EFNA5: variants seen among roughly 807,000 people sequenced by gnomAD.
The protein encoded by EFNA5 is ephrin-A5.
Under a neutral mutation model 22.9 loss-of-function variants are expected in EFNA5, and 5 were observed. The observed-to-expected ratio is 0.22, with a 90% confidence interval of 0.11 to 0.46. The LOEUF (loss-of-function observed/expected upper bound fraction) is 0.46, where lower values mean the gene tolerates loss of function less well. EFNA5 is among the 20% of genes least tolerant of loss of function. EFNA5 has a pLI of 0.99. For synonymous variants in EFNA5, 113 were observed against 112.2 expected (o/e 1.01, Z -0.04); for missense variants, 237 against 293.3 (o/e 0.81, Z 1.40).
intron 1 of EFNA5, among the ~76,000 whole-genome samples, chr5:107,446,803 A>T (rs1749412246): frequency 6.6e-6 from 1 of 152,144 alleles, no homozygotes; most frequent in South Asian, 2.1e-4. Flanking sequence ...GGAAGAAGAC[A>T]CTGACTTTCT....
intron 1 of EFNA5, among the ~76,000 whole-genome samples, chr5:107,666,870 G>C (rs182201447): frequency 3.3e-4 from 50 of 152,232 alleles, no homozygotes; most frequent in African/African-American, 1.2e-3. Context: ...TTCAGATGAA[G>C]AGGCATGTTC....
intron 1 of EFNA5, among the ~76,000 whole-genome samples, chr5:107,587,959 A>G (rs1349326840): frequency 6.6e-6 from 1 of 152,212 alleles, no homozygotes; most frequent in Non-Finnish European, 1.5e-5. Context: ...TACAGGCTCT[A>G]TGGTGCCAGG....
intron 1 of EFNA5, among the ~76,000 whole-genome samples, chr5:107,654,058 A>C (rs551763263): frequency 6.6e-6 from 1 of 152,268 alleles, no homozygotes; most frequent in African/African-American, 2.4e-5. Flanking sequence ...AACACTAGTA[A>C]GTATGCCTGT....
intron 1 of EFNA5, among the ~76,000 whole-genome samples, chr5:107,608,711 T>C (rs1018470625): frequency 2.0e-5 from 3 of 152,202 alleles, no homozygotes; most frequent in African/African-American, 7.2e-5. Context: ...ACTTCATGGC[T>C]GGGCTCACCT....
intron 1 of EFNA5, among the ~76,000 whole-genome samples, chr5:107,572,714 G>A (rs1005121212): frequency 1.3e-5 from 2 of 152,148 alleles, no homozygotes; most frequent in African/African-American, 4.8e-5. Flanking sequence ...AATCAGTTTT[G>A]CACTTCCATT....
intron 1 of EFNA5, among the ~76,000 whole-genome samples, chr5:107,620,196 T>C (rs1424472251): frequency 6.6e-6 from 1 of 152,238 alleles, no homozygotes; most frequent in Non-Finnish European, 1.5e-5. Context: ...AAATCTTTGT[T>C]AACATTTGGC....
At chr5:107,580,950 G>C (rs1749060536) in intron 1 of EFNA5, among the ~76,000 whole-genome samples, 1 of 152,142 alleles carries the variant, frequency 6.6e-6, no homozygotes. Context: ...CCTGATCTCA[G>C]CATTGAGCCA....
At chr5:107,661,816 G>A (rs1048368370) in intron 1 of EFNA5, among the ~76,000 whole-genome samples, 12 of 152,022 alleles carry the variant, frequency 7.9e-5, no homozygotes, top group Non-Finnish European at 1.8e-4. Flanking sequence ...AAAACATCAA[G>A]TATCATGTCT....
chr5:107,450,949 G>A (rs1464586984), intron 1 of EFNA5, among the ~76,000 whole-genome samples: 3 of 152,236 alleles, frequency 2.0e-5, no homozygotes, highest in South Asian at 2.1e-4. Context: ...TGAGAGCTAC[G>A]TGGTCTTGGC....
chr5:107,628,054 G>A (rs1289245289), intron 1 of EFNA5, among the ~76,000 whole-genome samples: 1 of 152,118 alleles, frequency 6.6e-6, no homozygotes, highest in African/African-American at 2.4e-5. Flanking sequence ...GCCATGTACA[G>A]TACTAAGCAC....
chr5:107,572,177 A>G (rs1031982586), intron 1 of EFNA5, among the ~76,000 whole-genome samples: 29 of 152,150 alleles, frequency 1.9e-4, no homozygotes, highest in African/African-American at 7.0e-4. Flanking sequence ...ACCTGTTCTT[A>G]TCTGGCAAGT....
At chr5:107,608,644 G>A (rs1277586819) in intron 1 of EFNA5, among the ~76,000 whole-genome samples, 2 of 152,218 alleles carry the variant, frequency 1.3e-5, no homozygotes, top group Non-Finnish European at 2.9e-5. Context: ...GAGGCACCAA[G>A]TCAACTATAA....
In EFNA5 at chr5:107,662,672, A is replaced by G. The variant is rs1342470977; in HGVS notation, c.125+7817T>C. On this transcript the variant is annotated intron_variant, in intron 1 of 4. Transcript: ENST00000333274. ...GATAGGAAGAGCCTATATTTCAGAG[A>G]CAAAAAGGCTCTGACTTAATATAAC... Among the ~76,000 whole-genome samples, 3 of 152,044 alleles carry G rather than the reference A, an allele frequency of 2.0e-5. No homozygotes were observed. The South Asian group carries it at 6.2e-4, about 32-fold the overall frequency.
intron 1 of EFNA5, among the ~76,000 whole-genome samples, chr5:107,521,253 A>T (rs1747589990): frequency 6.6e-6 from 1 of 151,948 alleles, no homozygotes; most frequent in East Asian, 1.9e-4. Context: ...CACACAATAA[A>T]CTTTAGAGTA....
chr5:107,632,471 T>A (rs1442582556), intron 1 of EFNA5, among the ~76,000 whole-genome samples: 2 of 152,096 alleles, frequency 1.3e-5, no homozygotes, highest in African/African-American at 4.8e-5. Context: ...ATACCTCCAA[T>A]CCCCCATCTT....
At chr5:107,586,788 T>C (rs1749196828) in intron 1 of EFNA5, among the ~76,000 whole-genome samples, 1 of 152,206 alleles carries the variant, frequency 6.6e-6, no homozygotes, top group African/African-American at 2.4e-5. Flanking sequence ...AAATGGGTTA[T>C]TTTAAGGAAA....
chr5:107,393,061 A>C (rs1373763749), intron 2 of EFNA5, among the ~76,000 whole-genome samples: 3 of 152,240 alleles, frequency 2.0e-5, no homozygotes, highest in Admixed American at 2.0e-4. Flanking sequence ...ATGATGTCTC[A>C]TTTTAACTAC....
At chr5:107,535,451 G>T (rs1022091830) in intron 1 of EFNA5, among the ~76,000 whole-genome samples, 70 of 151,844 alleles carry the variant, frequency 4.6e-4, no homozygotes, top group Non-Finnish European at 8.8e-4. Flanking sequence ...GAACAATGCA[G>T]AAAAACATAG....
intron 1 of EFNA5, among the ~76,000 whole-genome samples, chr5:107,549,338 T>G (rs1029832042): frequency 6.6e-6 from 1 of 152,226 alleles, no homozygotes; most frequent in African/African-American, 2.4e-5. Context: ...TGTAATCCTT[T>G]AACACAAAGC....
Sources: gnomAD v4.1 joint callset for allele counts (sites outside exome capture counted in the v4.1 genomes callset) on GRCh38, gnomAD v4.1.1 for gene constraint, MANE v1.5 for transcripts, NCBI Gene and HGNC (gene_info 2026-07-23, HGNC 2026-07-21) for gene names.